The following SRP54 variants were observed in gnomAD, a reference collection of about 807,000 sequenced individuals.
The protein encoded by SRP54 is signal recognition particle 54.
SRP54 carries 10 observed loss-of-function variants against 64.8 expected under a neutral mutation model. The observed-to-expected ratio is 0.15, with a 90% confidence interval of 0.10 to 0.26. The LOEUF is 0.26. Among genes scored for constraint, SRP54 ranks in the 10% least tolerant of loss-of-function variants. The pLI, the probability that SRP54 is intolerant of heterozygous loss-of-function variation, is 1.00. For missense variants in SRP54, 325 were observed against 613.7 expected (o/e 0.53, Z 4.97); for synonymous variants, 193 against 185.6 (o/e 1.04, Z -0.32).
chr14:35,003,796 C>G (rs1265461048), intron 4 of SRP54, among the ~76,000 whole-genome samples: 1 of 150,474 alleles, frequency 6.6e-6, no homozygotes, highest in Non-Finnish European at 1.5e-5. Flanking sequence ...TAGCTGGGAA[C>G]GATGGCTTAC....
At chr14:35,017,414 C>T (rs556883970) in intron 11 of SRP54, among the ~76,000 whole-genome samples, 2 of 152,248 alleles carry the variant, frequency 1.3e-5, no homozygotes, top group Admixed American at 1.3e-4. Flanking sequence ...ACTCTAAGTT[C>T]TATGTCTGTG....
At position 35,029,048 on chromosome 14, in the gene SRP54, A is replaced by G. The variant is rs1266459876; in HGVS notation, c.1424-13A>G. The G allele has an allele frequency of 6.2e-7, 1 of 1,606,072 alleles. No individual in the cohort carries two copies. The highest frequency in any genetic ancestry group is 2.2e-5 in the East Asian group (1 of 44,722). ...TCTCTGTTTTTAACTCTACTTCCCT[A>G]CTTTTGCTCTAGGTGGTATGGCAGG... On this transcript the variant is annotated splice_polypyrimidine_tract_variant and intron_variant, in intron 15 of 15. Coordinates refer to ENST00000216774, the MANE Select transcript of SRP54 (RefSeq NM_003136.4).
intron 13 of SRP54, among the ~76,000 whole-genome samples, chr14:35,021,523 C>A (rs1024136083): frequency 2.6e-5 from 4 of 152,064 alleles, no homozygotes; most frequent in African/African-American, 9.7e-5. Context: ...GTTCCAGCTA[C>A]TCAGGAGCCT....
chr14:35,020,636 CAA>C (rs1426842056), intron 13 of SRP54, among the ~76,000 whole-genome samples: 1 of 152,034 alleles, frequency 6.6e-6, no homozygotes, highest in Non-Finnish European at 1.5e-5. Flanking sequence ...CATAGTAGCC[CAA>C]ATAAGACTGT....
chr14:34,999,868 TA>T (rs1200075511), intron 3 of SRP54: 6 of 334,396 alleles, frequency 1.8e-5, no homozygotes, highest in African/African-American at 1.2e-4. Flanking sequence ...TTTAATTACA[TA>T]TTTTTTTCTA....
At chr14:35,015,193 C>T (rs2044418725) in intron 11 of SRP54, among the ~76,000 whole-genome samples, 2 of 152,296 alleles carry the variant, frequency 1.3e-5, no homozygotes, top group African/African-American at 2.4e-5. Flanking sequence ...TCTCCTGCCT[C>T]AGCCTCCTGA....
At chr14:34,999,330 A>G (rs2138981036) in intron 2 of SRP54, among the ~76,000 whole-genome samples, 1 of 152,190 alleles carries the variant, frequency 6.6e-6, no homozygotes, top group African/African-American at 2.4e-5. Flanking sequence ...TTACTTTTAT[A>G]TAGGAATAAA....
chr14:34,988,578 A>AATATATATATATATATATATAT (rs1555352766), intron 1 of SRP54, among the ~76,000 whole-genome samples: 2 of 47,100 alleles, frequency 4.2e-5, no homozygotes, highest in African/African-American at 1.3e-4. Context: ...AAAAAAAAAA[A>AATATATATATATATATATATAT]ATATATATAT....
intron 1 of SRP54, among the ~76,000 whole-genome samples, chr14:34,989,237 C>T (rs1324231713): frequency 2.0e-5 from 3 of 152,162 alleles, no homozygotes; most frequent in East Asian, 1.9e-4. Flanking sequence ...TGCAGTGGCT[C>T]ATGCCTGTCT....
At chr14:35,005,570 T>G (rs1432597617) in intron 4 of SRP54, among the ~76,000 whole-genome samples, 7 of 151,876 alleles carry the variant, frequency 4.6e-5, no homozygotes. Flanking sequence ...GCCAATTCTT[T>G]AAATTAGTAG....
intron 11 of SRP54, among the ~76,000 whole-genome samples, chr14:35,017,758 A>C (rs967971398): frequency 1.3e-5 from 2 of 152,150 alleles, no homozygotes; most frequent in Non-Finnish European, 2.9e-5. Context: ...CCCACACCCA[A>C]TCAAGAAACA....
intron 1 of SRP54, among the ~76,000 whole-genome samples, chr14:34,985,974 C>T (rs1232003021): frequency 6.6e-6 from 1 of 152,090 alleles, no homozygotes; most frequent in Admixed American, 6.6e-5. Flanking sequence ...AATGTTAAGG[C>T]CAACTTTCCA....
chr14:35,024,962 C>T (rs945448990), intron 14 of SRP54, among the ~76,000 whole-genome samples: 1 of 152,130 alleles, frequency 6.6e-6, no homozygotes, highest in Admixed American at 6.6e-5. Context: ...AACTCCCAAC[C>T]TCAAGTGATT....
At position 34,999,558 on chromosome 14, in the gene SRP54, G is replaced by A; in HGVS notation, c.79G>A (p.Val27Ile). ...LSNATIINEEVLNAMLKEVCT... is the reference protein window; with the variant it reads ...LSNATIINEEILNAMLKEVCT... ...ATTTCATTTATTTCTTTATTTTCAGGTATTGAATGCTATGCTAAAAGAAGT... is the reference window on the plus strand; with the variant it reads ...ATTTCATTTATTTCTTTATTTTCAGATATTGAATGCTATGCTAAAAGAAGT... Residue 27 changes from valine to isoleucine, a missense_variant and splice_region_variant, in exon 3 of 16, where the codon GTA (valine) becomes ATA (isoleucine). This residue lies in a region of SRP54 where 156 missense variants were observed against 254.6 expected (regional missense o/e 0.61). Transcript: ENST00000216774. The A allele has an allele frequency of 6.2e-7, 1 of 1,605,786 alleles. No homozygotes were observed.
intron 1 of SRP54, among the ~76,000 whole-genome samples, chr14:34,992,669 G>A (rs2043999257): frequency 6.6e-6 from 1 of 152,082 alleles, no homozygotes; most frequent in African/African-American, 2.4e-5. Flanking sequence ...ACTGAGGATT[G>A]AAAAAGTACC....
intron 4 of SRP54, among the ~76,000 whole-genome samples, chr14:35,005,763 A>T (rs1286625681): frequency 1.3e-5 from 2 of 152,092 alleles, no homozygotes; most frequent in African/African-American, 4.8e-5. Context: ...ACTATTATAG[A>T]TTTATTATTT....
At chr14:35,002,319 A>G (rs72680642) in intron 4 of SRP54, among the ~76,000 whole-genome samples, 3,303 of 152,102 alleles carry the variant, frequency 0.022, 43 homozygotes, top group East Asian at 0.035. Context: ...GTGCCACTGC[A>G]CTCCCGACTG....
intron 11 of SRP54, among the ~76,000 whole-genome samples, chr14:35,015,782 A>T (rs1013280724): frequency 1.3e-5 from 2 of 152,120 alleles, no homozygotes; most frequent in Admixed American, 6.6e-5. Context: ...CACTCATCTT[A>T]CCAGATAATT....
At chr14:35,011,680 C>T (rs1595001972) in intron 8 of SRP54, 21 bp downstream of exon 8, 4 of 1,492,764 alleles carry the variant, frequency 2.7e-6, no homozygotes, top group African/African-American at 1.4e-5. Context: ...TTCAATGTAA[C>T]ACTATTATTA....
Sources: allele counts gnomAD v4.1 joint callset (sites outside exome capture counted in the v4.1 genomes callset), GRCh38; gene constraint gnomAD v4.1.1; regional missense constraint gnomAD v4.1.1; transcripts MANE v1.5; gene names NCBI Gene and HGNC (gene_info 2026-07-23, HGNC 2026-07-21).